CBX5: variants seen among roughly 807,000 people sequenced by gnomAD.
CBX5 encodes chromobox 5, also known as chromobox protein homolog 5.
Under a neutral mutation model 20.7 loss-of-function variants are expected in CBX5, and 7 were observed. The observed-to-expected ratio is 0.34, with a 90% CI of 0.19 to 0.63. CBX5 has a LOEUF of 0.63. Among genes scored for constraint, CBX5 ranks in the 30% least tolerant of loss-of-function variants. The probability of loss-of-function intolerance (pLI) is 0.75; values close to 1 mark genes in which losing one functional copy is unlikely to be tolerated. For missense variants in CBX5, 110 were observed against 224.1 expected (o/e 0.49, Z 3.25); for synonymous variants, 78 against 77.0 (o/e 1.01, Z -0.07).
chr12:54,249,494 T>C (rs1943771840), intron 3 of CBX5, among the ~76,000 whole-genome samples: 1 of 151,804 alleles, frequency 6.6e-6, no homozygotes, highest in Non-Finnish European at 1.5e-5. Flanking sequence ...ACTAATGCTC[T>C]AGAAAGGTAT....
At chr12:54,268,708 T>C (rs549619609) in intron 1 of CBX5, among the ~76,000 whole-genome samples, 1 of 152,348 alleles carries the variant, frequency 6.6e-6, no homozygotes, top group East Asian at 1.9e-4. Context: ...TTCTCCTTGG[T>C]CAAGTTAGCA....
intron 2 of CBX5, among the ~76,000 whole-genome samples, chr12:54,253,297 C>G (rs1373582172): frequency 6.6e-6 from 1 of 152,062 alleles, no homozygotes; most frequent in African/African-American, 2.4e-5. Flanking sequence ...CACCTGCAGT[C>G]CCAGCTACGC....
intron 1 of CBX5, among the ~76,000 whole-genome samples, chr12:54,267,243 C>G (rs1021075638): frequency 1.3e-5 from 2 of 152,148 alleles, no homozygotes; most frequent in Admixed American, 6.5e-5. Flanking sequence ...TGTCATGAAT[C>G]TTAGATTTAT....
At chr12:54,278,332 C>T (rs1373400660) in intron 1 of CBX5, among the ~76,000 whole-genome samples, 3 of 152,200 alleles carry the variant, frequency 2.0e-5, no homozygotes, top group Non-Finnish European at 2.9e-5. Context: ...TACCCTTAAC[C>T]AGTATCACTT....
At chr12:54,265,950 G>A (rs1398277366) in intron 1 of CBX5, among the ~76,000 whole-genome samples, 4 of 151,978 alleles carry the variant, frequency 2.6e-5, no homozygotes, top group Non-Finnish European at 4.4e-5. Context: ...AGGAGGCTTA[G>A]GCAGGAGAAG....
chr12:54,269,859 T>C (rs1311963975), intron 1 of CBX5, among the ~76,000 whole-genome samples: 1 of 152,232 alleles, frequency 6.6e-6, no homozygotes. Context: ...AGATTACATG[T>C]GTAAGCCTCC....
At chr12:54,256,429 C>A (rs536569937) in intron 2 of CBX5, among the ~76,000 whole-genome samples, 1 of 152,156 alleles carries the variant, frequency 6.6e-6, no homozygotes, top group Admixed American at 6.6e-5. Flanking sequence ...AGATGAGAAA[C>A]CTTGAGTCAT....
At chr12:54,261,171 A>G (rs1943912979) in intron 1 of CBX5, among the ~76,000 whole-genome samples, 1 of 150,266 alleles carries the variant, frequency 6.7e-6, no homozygotes, top group African/African-American at 2.4e-5. Context: ...AGCCTGAGCA[A>G]CAAGAGCGAA....
chr12:54,263,231 G>T (rs1021876648), intron 1 of CBX5, among the ~76,000 whole-genome samples: 1 of 151,862 alleles, frequency 6.6e-6, no homozygotes, highest in Non-Finnish European at 1.5e-5. Context: ...TGTGGTGGCA[G>T]GCACCTGTTA....
intron 1 of CBX5, among the ~76,000 whole-genome samples, chr12:54,266,797 C>T (rs892242883): frequency 6.6e-6 from 1 of 151,814 alleles, no homozygotes; most frequent in African/African-American, 2.4e-5. Context: ...TTTTTTTTCA[C>T]CCTCTTATTA....
intron 1 of CBX5, 74 bp from the exon 2 acceptor site, chr12:54,257,766 A>T (rs1943876487): frequency 8.2e-6 from 9 of 1,098,276 alleles, no homozygotes; most frequent in Non-Finnish European, 1.2e-5. Context: ...TGATGGGATG[A>T]AAAGGGGATA....
In CBX5 at chr12:54,263,673, G is replaced by A. The variant is rs533052149; in HGVS notation, c.-42-5981C>T. 9.5e-5 allele frequency among the ~76,000 whole-genome samples: 14 copies of A among 147,412 alleles called. No individual in the cohort carries two copies. The Middle Eastern group carries it at 0.018, about 185-fold the overall frequency. On this transcript the variant is annotated intron_variant, in intron 1 of 4. Transcript: ENST00000209875. Reference sequence around the variant, plus strand: ...CCAGCTACTCAGGAGGGTGAGGCAGGAGAATCGCTTAAACGGGAGGCGGAG... The same window carrying A: ...CCAGCTACTCAGGAGGGTGAGGCAGAAGAATCGCTTAAACGGGAGGCGGAG...
chr12:54,246,139 C>T lies in CBX5; in HGVS notation c.401G>A (p.Gly134Asp), dbSNP rs1256457181. 2 of 1,613,034 alleles carry T rather than the reference C, an allele frequency of 1.2e-6. No individual in the cohort carries two copies. Reference protein sequence around the residue: ...EKIIGATDSCGDLMFLMKWKD... With the variant: ...EKIIGATDSCDDLMFLMKWKD... ...CCATTTCATTAGGAACATTAAATCA[C>T]CACAGGAATCTGTTGCCCCAATGAT... The change falls in exon 4 of 5, where the codon GGT becomes GAT. Residue 134 changes from glycine to aspartate, a missense_variant. Transcript: ENST00000209875.
intron 1 of CBX5, among the ~76,000 whole-genome samples, chr12:54,266,108 T>C (rs1031143962): frequency 6.6e-6 from 1 of 151,382 alleles, no homozygotes; most frequent in African/African-American, 2.4e-5. Context: ...AAGGGCCTTT[T>C]GTTCTTTTAG....
intron 1 of CBX5, among the ~76,000 whole-genome samples, chr12:54,262,117 T>G (rs1943919419): frequency 6.6e-6 from 1 of 152,214 alleles, no homozygotes; most frequent in Admixed American, 6.5e-5. Flanking sequence ...GTACGTTCTC[T>G]CTCAAGGGCA....
rs543070331 is a variant in CBX5 at position 54,237,375 on chromosome 12, T to C, written c.*4380A>G. ...ACAGAAAAGCAAATATAAATGCAGT[T>C]GATAAACTAGAAAGCAATCATCAAC... On this transcript the variant is annotated 3_prime_UTR_variant, in exon 5 of 5. Transcript: ENST00000209875. 9.9e-5 allele frequency: 15 copies of C among 152,188 alleles called. No individual in the cohort carries two copies. The highest frequency in any genetic ancestry group is 1.8e-4 in the Non-Finnish European group (12 of 68,038). The allele number at this position is 152,188 out of a possible 1,614,324, so 9.4% of individuals were successfully genotyped here. A position where few individuals can be genotyped will look rare whatever the true frequency, so the allele number is the denominator to read the frequency against.
At position 54,234,325 on chromosome 12, in the gene CBX5, C is replaced by T. The variant is rs1943598671; in HGVS notation, c.*7430G>A. On this transcript the variant is annotated 3_prime_UTR_variant, in exon 5 of 5. Coordinates refer to ENST00000209875, the MANE Select transcript of CBX5 (RefSeq NM_012117.3). The stretch of plus-strand genomic sequence containing the variant: ...GTACAGGTGCTAAGAAAGTTTAAGA[C>T]TGATCTTTTGGCAATGACAGTTTAG... The T allele has an allele frequency of 6.7e-6, 1 of 148,538 alleles. No homozygotes were observed. Among genetic ancestry groups the T allele is most frequent in the African/African-American group, 2.5e-5 (1 of 40,322 alleles). The allele number at this position is 148,538 out of a possible 1,614,324, so 9.2% of individuals were successfully genotyped here. A position where few individuals can be genotyped will look rare whatever the true frequency, so the allele number is the denominator to read the frequency against.
intron 1 of CBX5, chr12:54,258,030 C>T (rs866548935): frequency 6.0e-5 from 10 of 167,442 alleles, no homozygotes; most frequent in Admixed American, 1.9e-4. Flanking sequence ...CAGAAATGTG[C>T]AAAATCTTTA....
chr12:54,254,820 A>G (rs1323948006), intron 2 of CBX5, among the ~76,000 whole-genome samples: 1 of 151,850 alleles, frequency 6.6e-6, no homozygotes, highest in East Asian at 1.9e-4. Flanking sequence ...GCCATTGCAC[A>G]CCAGCCTGGG....
Sources: gnomAD v4.1 joint callset for allele counts (sites outside exome capture counted in the v4.1 genomes callset) on GRCh38, gnomAD v4.1.1 for gene constraint, MANE v1.5 for transcripts, NCBI Gene and HGNC (gene_info 2026-07-23, HGNC 2026-07-21) for gene names.